Variants in CNTN4 observed in about 807,000 individuals in gnomAD.
CNTN4 encodes the protein contactin 4, also known as contactin-4.
Under a neutral mutation model 122.5 loss-of-function variants are expected in CNTN4, and 77 were observed. The ratio of observed to expected loss-of-function variants is 0.63; its 90% CI spans 0.52 to 0.76. The LOEUF is 0.76. CNTN4 is among the 30% of genes least tolerant of loss of function. CNTN4 has a pLI of 0.00. For synonymous variants in CNTN4, 512 were observed against 447.0 expected, an observed-to-expected ratio of 1.15 and a Z score of -1.83; for missense variants, 1,256 against 1,259.1, an observed-to-expected ratio of 1.00 and a Z score of 0.04.
chr3:2,384,447 A>G (rs1189923304), intron 3 of CNTN4, among the ~76,000 whole-genome samples: 1 of 152,226 alleles, frequency 6.6e-6, no homozygotes, highest in Admixed American at 6.5e-5. Flanking sequence ...GTGGGGAAAA[A>G]GCAAGGGAAA....
intron 4 of CNTN4, among the ~76,000 whole-genome samples, chr3:2,623,998 A>T (rs930543203): frequency 2.0e-5 from 3 of 152,254 alleles, no homozygotes; most frequent in African/African-American, 7.2e-5. Flanking sequence ...TTGATCAGCT[A>T]CAGTGGCTTT....
At chr3:2,837,252 G>A (rs2093247858) in intron 7 of CNTN4, among the ~76,000 whole-genome samples, 1 of 152,146 alleles carries the variant, frequency 6.6e-6, no homozygotes, top group Admixed American at 6.5e-5. Flanking sequence ...TGCATTATGT[G>A]GAGGAGTTTC....
At chr3:2,964,884 C>A (rs1047361808) in intron 13 of CNTN4, among the ~76,000 whole-genome samples, 1 of 152,160 alleles carries the variant, frequency 6.6e-6, no homozygotes, top group African/African-American at 2.4e-5. Context: ...CCCTTCACAT[C>A]ATCTGTCTGG....
chr3:2,471,961 T>G (rs953851531), intron 3 of CNTN4, among the ~76,000 whole-genome samples: 1 of 152,096 alleles, frequency 6.6e-6, no homozygotes, highest in African/African-American at 2.4e-5. Context: ...AAGAATCCCA[T>G]AGATGTGAAG....
At chr3:2,502,317 A>G (rs761721554) in intron 3 of CNTN4, among the ~76,000 whole-genome samples, 1 of 152,124 alleles carries the variant, frequency 6.6e-6, no homozygotes, top group Middle Eastern at 3.2e-3. Flanking sequence ...GCATTCCTCT[A>G]GTATCCCAGT....
At chr3:2,419,077 A>G (rs911119403) in intron 3 of CNTN4, among the ~76,000 whole-genome samples, 2 of 152,204 alleles carry the variant, frequency 1.3e-5, no homozygotes, top group African/African-American at 4.8e-5. Context: ...AAATGGCTAT[A>G]TGGTTCACGT....
chr3:2,190,719 A>G (rs2037489190), intron 2 of CNTN4, among the ~76,000 whole-genome samples: 1 of 151,892 alleles, frequency 6.6e-6, no homozygotes, highest in African/African-American at 2.4e-5. Flanking sequence ...TTACATTTCT[A>G]CAGCTTTCTT....
chr3:3,044,859 G>A (rs1700481024), intron 23 of CNTN4, among the ~76,000 whole-genome samples: 1 of 152,234 alleles, frequency 6.6e-6, no homozygotes, highest in Non-Finnish European at 1.5e-5. Flanking sequence ...CCCTTTCCTA[G>A]CCAAGCAAAG....
rs181710158 is a variant in CNTN4, at chr3:3,030,893, A to G, written c.1701A>G (p.Gln567=). Residue 567 remains glutamine (Q), a synonymous_variant, in exon 16 of 25, where the codon CAA becomes CAG. Transcript: ENST00000418658. ...SAGDLMIRNI[Q]LKHAGKYVCM... is the part of the protein sequence containing the mutation. ...GTGATTTGATGATCCGAAACATCCAACTGAAGCATGCTGGGAAATATGTCT... is the reference window on the plus strand; with the variant it reads ...GTGATTTGATGATCCGAAACATCCAGCTGAAGCATGCTGGGAAATATGTCT... 10 of 1,613,950 alleles carry G rather than the reference A, an allele frequency of 6.2e-6. No homozygotes were observed. The highest frequency in any genetic ancestry group is 1.3e-5 in the African/African-American group (1 of 74,932).
intron 4 of CNTN4, among the ~76,000 whole-genome samples, chr3:2,594,494 CT>C: frequency 6.7e-6 from 1 of 148,390 alleles, no homozygotes; most frequent in East Asian, 2.0e-4. Flanking sequence ...TCTCGGCTCA[CT>C]GCAACCTCCC....
chr3:2,526,200 C>G (rs1422427963), intron 3 of CNTN4, among the ~76,000 whole-genome samples: 1 of 152,092 alleles, frequency 6.6e-6, no homozygotes, highest in Non-Finnish European at 1.5e-5. Flanking sequence ...TCTTTTTTCT[C>G]TCCACCTTCT....
intron 4 of CNTN4, among the ~76,000 whole-genome samples, chr3:2,684,500 G>GC (rs2085331463): frequency 6.6e-6 from 1 of 152,054 alleles, no homozygotes; most frequent in Non-Finnish European, 1.5e-5. Flanking sequence ...TTTAAGTGTG[G>GC]CCTACAGTAG....
intron 2 of CNTN4, among the ~76,000 whole-genome samples, chr3:2,277,350 G>T (rs1044827484): frequency 6.6e-6 from 1 of 152,056 alleles, no homozygotes; most frequent in African/African-American, 2.4e-5. Flanking sequence ...CTAAGAAAAT[G>T]ACTTTTGAAG....
chr3:2,944,447 G>A (rs1441650789), intron 13 of CNTN4, among the ~76,000 whole-genome samples: 4 of 152,038 alleles, frequency 2.6e-5, no homozygotes, highest in Non-Finnish European at 5.9e-5. Context: ...ATCATGAAAA[G>A]TTGAGCTCCA....
intron 4 of CNTN4, among the ~76,000 whole-genome samples, chr3:2,611,278 T>G (rs2081471782): frequency 9.7e-6 from 1 of 103,420 alleles, no homozygotes; most frequent in Non-Finnish European, 1.8e-5. Flanking sequence ...GGGACAAAAG[T>G]ACTCACAGCA....
intron 3 of CNTN4, among the ~76,000 whole-genome samples, chr3:2,550,680 G>A (rs991684346): frequency 3.3e-5 from 5 of 152,148 alleles, no homozygotes; most frequent in African/African-American, 1.2e-4. Flanking sequence ...ATTCACAATA[G>A]CAAAGACTTG....
rs7652025 is a variant in CNTN4 at position 2,302,602 on chromosome 3, G to A, written c.-144-36576G>A. On this transcript the variant is annotated intron_variant, in intron 2 of 24. Coordinates refer to ENST00000418658, the MANE Select transcript of CNTN4 (RefSeq NM_175607.3). Reference sequence around the variant, plus strand: ...AATATTTTCTCAAATTAATGCTCCCGCCTGAAAATCTGTGAGCCAGATAGT... The same window carrying A: ...AATATTTTCTCAAATTAATGCTCCCACCTGAAAATCTGTGAGCCAGATAGT... Among the ~76,000 whole-genome samples, 850 of 152,110 alleles carry A rather than the reference G, an allele frequency of 5.6e-3. 13 individuals carry two copies. Among genetic ancestry groups the A allele is most frequent in the African/African-American group, 0.02 (817 of 41,478 alleles).
intron 3 of CNTN4, among the ~76,000 whole-genome samples, chr3:2,526,155 T>C (rs1303180248): frequency 6.6e-6 from 1 of 152,162 alleles, no homozygotes; most frequent in Non-Finnish European, 1.5e-5. Context: ...GTCCTCCCTA[T>C]GACTCAGCTC....
At chr3:2,822,077 G>T (rs1158402202) in intron 7 of CNTN4, among the ~76,000 whole-genome samples, 1 of 152,184 alleles carries the variant, frequency 6.6e-6, no homozygotes, top group African/African-American at 2.4e-5. Flanking sequence ...TCTATGTCTG[G>T]ATCAGGGACA....
Sources: gnomAD v4.1 joint callset for allele counts (sites outside exome capture counted in the v4.1 genomes callset) on GRCh38, gnomAD v4.1.1 for gene constraint, MANE v1.5 for transcripts, NCBI Gene and HGNC (gene_info 2026-07-23, HGNC 2026-07-21) for gene names.